The following OPN5 variants were observed in gnomAD, a reference collection of about 807,000 sequenced individuals.
The protein encoded by OPN5 is opsin 5, also known as opsin-5.
Under a neutral mutation model 41.7 loss-of-function variants are expected in OPN5, and 18 were observed. The ratio of observed to expected loss-of-function variants is 0.43; its 90% confidence interval spans 0.30 to 0.64. The LOEUF (loss-of-function observed/expected upper bound fraction) is 0.64, where lower values mean the gene tolerates loss of function less well. Ranked by LOEUF, OPN5 falls within the 30% of genes least tolerant of loss-of-function variation. The pLI is 0.13. For synonymous variants in OPN5, 178 were observed against 164.3 expected, an observed-to-expected ratio of 1.08 and a Z score of -0.64; for missense variants, 318 against 434.5, an observed-to-expected ratio of 0.73 and a Z score of 2.38.
intron 4 of OPN5, among the ~76,000 whole-genome samples, chr6:47,797,563 G>A (rs1253771785): frequency 6.6e-6 from 1 of 152,168 alleles, no homozygotes; most frequent in Admixed American, 6.5e-5. Flanking sequence ...TACCAATGAT[G>A]AAAAATTTGC....
chr6:47,812,481 T>C (rs1416229580), intron 6 of OPN5, among the ~76,000 whole-genome samples: 1 of 152,166 alleles, frequency 6.6e-6, no homozygotes, highest in Non-Finnish European at 1.5e-5. Flanking sequence ...GTTAGCTTGT[T>C]ATTTCTTTTG....
intron 5 of OPN5, among the ~76,000 whole-genome samples, chr6:47,810,708 C>T (rs1263032601): frequency 6.6e-6 from 1 of 151,844 alleles, no homozygotes; most frequent in Non-Finnish European, 1.5e-5. Context: ...TCATTTTTTC[C>T]TCCTGAATTG....
chr6:47,822,275 G>A (rs1762649262), intron 6 of OPN5, among the ~76,000 whole-genome samples: 1 of 152,076 alleles, frequency 6.6e-6, no homozygotes, highest in African/African-American at 2.4e-5. Flanking sequence ...TGCAGAGAGA[G>A]GGTAATTAGA....
intron 4 of OPN5, among the ~76,000 whole-genome samples, chr6:47,795,952 C>G (rs1773557209): frequency 6.6e-6 from 1 of 152,200 alleles, no homozygotes; most frequent in Non-Finnish European, 1.5e-5. Context: ...ACAGTATTTT[C>G]TGCGTTGCAT....
intron 4 of OPN5, among the ~76,000 whole-genome samples, chr6:47,799,196 G>GTATATA (rs377613785): frequency 1.4e-3 from 211 of 146,714 alleles, no homozygotes; most frequent in South Asian, 3.7e-3. Context: ...GAGGTGTGAT[G>GTATATA]TATATATATA....
exon 5 of OPN5, chr6:47,808,281 C>A: frequency 6.2e-7 from 1 of 1,614,058 alleles, no homozygotes; most frequent in Non-Finnish European, 8.5e-7. Context: ...ACCCTACTTG[C>A]AAAATCTGCA....
intron 6 of OPN5, among the ~76,000 whole-genome samples, chr6:47,813,097 ACAACAACAACAAC>A (rs1561903683): frequency 1.2e-4 from 18 of 150,786 alleles, no homozygotes; most frequent in African/African-American, 4.4e-4. Flanking sequence ...AACAACAACA[ACAACAACAACAAC>A]AACAAGCAAC....
chr6:47,807,477 C>T (rs1473122689), intron 4 of OPN5, among the ~76,000 whole-genome samples: 4 of 152,108 alleles, frequency 2.6e-5, no homozygotes, highest in Admixed American at 6.6e-5. Context: ...AAAACCCTAT[C>T]GCTAATTATT....
In OPN5 at chr6:47,811,658, C is replaced by T; in HGVS notation, c.999-16C>T. The T allele has an allele frequency of 3.1e-6, 5 of 1,598,468 alleles. No individual in the cohort carries two copies. Among genetic ancestry groups the T allele is most frequent in the Non-Finnish European group, 4.3e-6 (5 of 1,166,996 alleles). On this transcript the variant is annotated splice_polypyrimidine_tract_variant and intron_variant, in intron 5 of 6. Coordinates refer to ENST00000371211, the Ensembl canonical transcript of OPN5. The stretch of plus-strand genomic sequence containing the variant: ...TATGTAGATATTAAATTGCATTTTT[C>T]TTCTCCTATATCTAGGCTGCACACC...
intron 6 of OPN5, among the ~76,000 whole-genome samples, chr6:47,812,449 G>A (rs1019816485): frequency 3.0e-4 from 45 of 152,120 alleles, no homozygotes; most frequent in African/African-American, 1.0e-3. Flanking sequence ...ATAGCTATTC[G>A]TAAGTGTTGT....
rs1318095322 is a variant in OPN5 at position 47,795,024 on chromosome 6, C to T, written c.422-205C>T. On this transcript the variant is annotated intron_variant, in intron 3 of 6. Transcript: ENST00000371211. ...AAAGCTCCCAGATGCCTAGAGAAAA[C>T]CTTCCAATTGTGTTCTCCTGGAGAA... 8.1e-6 allele frequency: 4 copies of T among 494,610 alleles called. No homozygotes were observed. In the Admixed American group the frequency reaches 1.4e-4, roughly 17 times the overall value. 30.6% of individuals were successfully genotyped at this position (494,610 alleles called of 1,614,324 possible).
chr6:47,786,240 T>C (rs1773186945), intron 1 of OPN5, among the ~76,000 whole-genome samples: 2 of 152,206 alleles, frequency 1.3e-5, no homozygotes. Context: ...GAACTGACCA[T>C]TGGGATTCCC....
intron 6 of OPN5, among the ~76,000 whole-genome samples, chr6:47,812,786 T>C (rs1762291842): frequency 6.6e-6 from 1 of 152,188 alleles, no homozygotes; most frequent in Non-Finnish European, 1.5e-5. Context: ...TAAGCCTTGC[T>C]CATCAATTGT....
chr6:47,793,904 T>TA (rs1773460159), intron 3 of OPN5: 1 of 388,012 alleles, frequency 2.6e-6, no homozygotes, highest in Admixed American at 6.4e-5. Flanking sequence ...AGAGCTGACT[T>TA]ATATTGTGGC....
chr6:47,792,983 T>A (rs1231220865), intron 3 of OPN5, among the ~76,000 whole-genome samples: 1 of 4,604 alleles, frequency 2.2e-4, no homozygotes, highest in South Asian at 8.6e-3. Flanking sequence ...CAGCACTACG[T>A]TTTTTTTTTT....
intron 6 of OPN5, among the ~76,000 whole-genome samples, chr6:47,819,477 C>T (rs1003496079): frequency 7.6e-5 from 9 of 118,348 alleles, no homozygotes; most frequent in African/African-American, 2.4e-4. Flanking sequence ...TTTAGTGCCT[C>T]GGTTTCATTC....
intron 2 of OPN5, 66 bp from the exon 3 acceptor site, chr6:47,791,736 G>A: frequency 7.1e-7 from 1 of 1,410,420 alleles, no homozygotes; most frequent in Admixed American, 1.7e-5. Context: ...AGGTTCAGGT[G>A]AGTTGAGGTA....
chr6:47,821,062 T>A (rs1440544100), intron 6 of OPN5, among the ~76,000 whole-genome samples: 1 of 152,208 alleles, frequency 6.6e-6, no homozygotes. Flanking sequence ...AAAGCTTTTA[T>A]CCTTATTGTC....
chr6:47,796,479 C>T (rs909613467), intron 4 of OPN5, among the ~76,000 whole-genome samples: 6 of 152,148 alleles, frequency 3.9e-5, no homozygotes, highest in African/African-American at 1.2e-4. Context: ...ATATAAATGA[C>T]ATACAGGTAA....
Sources: gnomAD v4.1 joint callset for allele counts (sites outside exome capture counted in the v4.1 genomes callset) on GRCh38, gnomAD v4.1.1 for gene constraint, MANE v1.5 for transcripts, NCBI Gene and HGNC (gene_info 2026-07-23, HGNC 2026-07-21) for gene names.